CIC: variants seen among roughly 807,000 people sequenced by gnomAD.
CIC encodes the protein protein capicua homolog.
Under a neutral mutation model 115.7 loss-of-function variants are expected in CIC, and 18 were observed. The observed-to-expected ratio is 0.16, with a 90% CI of 0.11 to 0.23. The LOEUF (loss-of-function observed/expected upper bound fraction) is 0.23, where lower values mean the gene tolerates loss of function less well. Ranked by LOEUF, CIC falls within the 10% of genes least tolerant of loss-of-function variation. CIC has a pLI of 1.00. For missense variants in CIC, 2,000 were observed against 2,159.3 expected, an observed-to-expected ratio of 0.93 and a Z score of 1.46; for synonymous variants, 1,076 against 923.0, an observed-to-expected ratio of 1.17 and a Z score of -3.01.
In CIC at chr19:42,292,447, C is replaced by T. The variant is rs192281097; in HGVS notation, c.5883C>T (p.Phe1961=). The T allele has an allele frequency of 3.7e-6, 6 of 1,610,814 alleles. No homozygotes were observed. Among genetic ancestry groups the T allele is most frequent in the East Asian group, 2.2e-5 (1 of 44,798 alleles). Residue 1961 remains phenylalanine (F), a synonymous_variant, in exon 14 of 21, where the codon TTC becomes TTT. Transcript: ENST00000681038. ...CGCTGGGGCCCAGCGGCCCCGCCTT[C>T]GTGCAGCCCCTGCTCTCAGGTGAGG... The part of the protein sequence containing the change: ...FTSLGPSGPA[F]VQPLLSAGQA...
At chr19:42,289,785 C>A (rs949789042) in intron 9 of CIC, 63 bp from the exon 10 acceptor site, 16 of 1,349,932 alleles carry the variant, frequency 1.2e-5, no homozygotes, top group Non-Finnish European at 3.1e-6. Flanking sequence ...AGGCTCCAGA[C>A]TGTTTCTCCT....
intron 2 of CIC, among the ~76,000 whole-genome samples, chr19:42,281,144 G>A (rs2147093020): frequency 6.6e-6 from 1 of 151,396 alleles, no homozygotes; most frequent in African/African-American, 2.4e-5. Flanking sequence ...GGGTGGGTGG[G>A]TGGGTGTGTA....
rs2036866760 is a variant in CIC at position 42,273,758 on chromosome 19, C to G, written c.1975C>G (p.Arg659Gly). The G allele has an allele frequency of 2.5e-6, 1 of 398,812 alleles. No individual in the cohort carries two copies. Among genetic ancestry groups the G allele is most frequent in the East Asian group, 3.6e-5 (1 of 28,078 alleles). The allele number at this position is 398,812 out of a possible 1,614,324, so 24.7% of individuals were successfully genotyped here. Residue 659 changes from arginine to glycine, a missense_variant, in exon 2 of 21, where the codon CGC becomes GGC. Coordinates refer to ENST00000681038, the MANE Select transcript of CIC (RefSeq NM_001386298.1). ...ACCAGTCATCCAGCGCACTGCAGTC[C>G]GCAGTCGCCACCTGAGCGCCAGCAC... is the stretch of plus-strand genomic sequence containing the variant. ...ASPVIQRTAV[R>G]SRHLSASTPK...
At chr19:42,289,433 G>A (rs1409589011) in intron 9 of CIC, 27 bp downstream of exon 9, 2 of 1,555,256 alleles carry the variant, frequency 1.3e-6, no homozygotes, top group Non-Finnish European at 1.7e-6. Flanking sequence ...CCAGAATCTT[G>A]CCCAGGACCC....
chr19:42,293,609 C>T lies in CIC; in HGVS notation c.6540C>T (p.Ser2180=), dbSNP rs2038310263. The change falls in exon 17 of 21, where the codon AGC becomes AGT. Residue 2180 remains serine (S), a synonymous_variant. Transcript: ENST00000681038. The part of the protein sequence containing the change: ...GPETMASKFP[S]SSSDWRVPGQ... ...CACCCCAGGCCAGCAAATTCCCCAG[C>T]TCATCTTCAGACTGGCGCGTCCCTG... 1 of 1,613,714 alleles carries T rather than the reference C, an allele frequency of 6.2e-7. No individual in the cohort carries two copies. The highest frequency in any genetic ancestry group is 1.7e-5 in the Admixed American group (1 of 60,008).
intron 2 of CIC, chr19:42,284,675 G>GCCCCTGCCGGGTCC: frequency 6.6e-7 from 1 of 1,525,578 alleles, no homozygotes; most frequent in Non-Finnish European, 8.8e-7. Flanking sequence ...GGAGGTGCGA[G>GCCCCTGCCGGGTCC]CCCCTGCCGG....
At position 42,287,210 on chromosome 19, in the gene CIC, A is replaced by G. The variant is rs2147184228; in HGVS notation, c.3149A>G (p.Asp1050Gly). The change falls in exon 4 of 21, where the codon GAC (aspartate) becomes GGC (glycine). Residue 1050 changes from aspartate (D) to glycine (G), a missense_variant. Coordinates refer to ENST00000681038, the MANE Select transcript of CIC (RefSeq NM_001386298.1). The surrounding 1 kb of genome is among the most constrained non-coding windows in gnomAD (Gnocchi z 8.7). ...GGCCCCCCAGGAGAGCCCCGGCTGG[A>G]CAGTGAGACAGAGAGTGACCATGAT... ...ASGPPGEPRL[D>G]SETESDHDDA... The G allele has an allele frequency of 6.2e-7, 1 of 1,613,750 alleles. No individual in the cohort carries two copies. The highest frequency in any genetic ancestry group is 8.5e-7 in the Non-Finnish European group (1 of 1,179,934).
intron 2 of CIC, chr19:42,284,781 G>A (rs2147140078): frequency 6.4e-7 from 1 of 1,550,646 alleles, no homozygotes; most frequent in Non-Finnish European, 8.7e-7. Flanking sequence ...GGTCAGTAGC[G>A]CCTGGGCCCT....
chr19:42,282,229 G>C (rs1162983005), intron 2 of CIC, among the ~76,000 whole-genome samples: 1 of 152,218 alleles, frequency 6.6e-6, no homozygotes, highest in Non-Finnish European at 1.5e-5. Flanking sequence ...GGAGGTCAGA[G>C]GGCTACAGAC....
In CIC at chr19:42,287,037, A is replaced by G. The variant is rs2147176623; in HGVS notation, c.2976A>G (p.Glu992=). 6.2e-7 allele frequency: 1 copy of G among 1,611,480 alleles called. No individual in the cohort carries two copies. The highest frequency in any genetic ancestry group is 8.5e-7 in the Non-Finnish European group (1 of 1,179,944). ...EPAESAAVAH[E]RPPGGTGSAD... ...CTGAGTCGGCAGCTGTTGCTCATGA[A>G]CGGCCACCAGGTGGGACAGGGAGTG... is the stretch of plus-strand genomic sequence containing the variant. The change falls in exon 4 of 21, where the codon GAA becomes GAG. Residue 992 remains glutamate (E), a synonymous_variant. Coordinates refer to ENST00000681038, the MANE Select transcript of CIC (RefSeq NM_001386298.1). The surrounding 1 kb of genome is among the most constrained non-coding windows in gnomAD (Gnocchi z 8.7).
In CIC at chr19:42,273,188, C is replaced by T. The variant is rs2036850687; in HGVS notation, c.1405C>T (p.Arg469Trp). 3 of 398,716 alleles carry T rather than the reference C, an allele frequency of 7.5e-6. No individual in the cohort carries two copies. 24.7% of individuals were successfully genotyped at this position (398,716 alleles called of 1,614,324 possible). Reference sequence around the variant, plus strand: ...GGAAAAGGGGACAGCACCGGCAGCCCGGGCCCGCACGCCACTGACAGCCGC... The same window carrying T: ...GGAAAAGGGGACAGCACCGGCAGCCTGGGCCCGCACGCCACTGACAGCCGC... ...SLEKGTAPAA[R>W]ARTPLTAAQQ... Residue 469 changes from arginine (R) to tryptophan (W), a missense_variant, in exon 2 of 21, where the codon CGG (arginine) becomes TGG (tryptophan). Arg to Trp is a moderately radical substitution (Grantham distance 101, BLOSUM62 -3). Around this residue, in one of 8 missense-constraint regions of CIC, gnomAD observed 222 missense variants for 247.7 expected, o/e 0.90. Transcript: ENST00000681038.
rs550240140 is a variant in CIC, at chr19:42,272,740, G to A, written c.957G>A (p.Gln319=). ...GLPGSLPQPP[Q]PLHREPEEAV... Reference sequence around the variant, plus strand: ...CAGGCAGCCTCCCGCAGCCCCCACAGCCACTGCACCGTGAGCCAGAGGAGG... The same window carrying A: ...CAGGCAGCCTCCCGCAGCCCCCACAACCACTGCACCGTGAGCCAGAGGAGG... Residue 319 remains glutamine, a synonymous_variant, in exon 2 of 21, where the codon CAG becomes CAA. Transcript: ENST00000681038. 10 of 398,844 alleles carry A rather than the reference G, an allele frequency of 2.5e-5. No homozygotes were observed. The East Asian group carries it at 3.6e-4, about 14-fold the overall frequency. The allele number at this position is 398,844 out of a possible 1,614,324, so 24.7% of individuals were successfully genotyped here.
chr19:42,295,221 AG>A lies in CIC; in HGVS notation c.*31del. The A allele has an allele frequency of 6.6e-7, 1 of 1,524,524 alleles. No individual in the cohort carries two copies. The highest frequency in any genetic ancestry group is 8.8e-7 in the Non-Finnish European group (1 of 1,139,584). The allele number at this position is 1,524,524 out of a possible 1,614,324, so 94.4% of individuals were successfully genotyped here. A position where few individuals can be genotyped will look rare whatever the true frequency, so the allele number is the denominator to read the frequency against. On this transcript the variant is annotated 3_prime_UTR_variant, in exon 21 of 21. Coordinates refer to ENST00000681038, the MANE Select transcript of CIC (RefSeq NM_001386298.1). ...CCCCTGAGAAGATGCCAGGACTTAT[AG>A]TACCCCCTCAGGACATGGACAGTAT...
Position 42,291,718 on chromosome 19 carries a change from G to C in CIC, c.5586G>C (p.Val1862=), listed in dbSNP as rs747330705. The change falls in exon 12 of 21, where the codon GTG becomes GTC. Residue 1862 remains valine, a synonymous_variant. Coordinates refer to ENST00000681038, the MANE Select transcript of CIC (RefSeq NM_001386298.1). ...TGAGCCCGCCCTTCTCAGTACCTGT[G>C]CAGAATGGTGCCCAGCCCCCCAGCA... is the stretch of plus-strand genomic sequence containing the variant. ...PLVSPPFSVP[V]QNGAQPPSKI... is the part of the protein sequence containing the mutation. 1 of 1,612,988 alleles carries C rather than the reference G, an allele frequency of 6.2e-7. No homozygotes were observed. Among genetic ancestry groups the C allele is most frequent in the Non-Finnish European group, 8.5e-7 (1 of 1,180,002 alleles).
rs747055103 is a variant in CIC at position 42,293,235 on chromosome 19, C to T, written c.6476C>T (p.Pro2159Leu). ...ACGGCCCGGAGCAGCCCCCCACTGCCCCCACCTGCTGAGGAGCGGACCAGC... is the reference window on the plus strand; with the variant it reads ...ACGGCCCGGAGCAGCCCCCCACTGCTCCCACCTGCTGAGGAGCGGACCAGC... ...TPTARSSPPL[P>L]PPAEERTSAK... Residue 2159 changes from proline to leucine, a missense_variant, in exon 16 of 21, where the codon CCC becomes CTC. Physicochemically the swap from Pro to Leu is moderately conservative, Grantham distance 98 (BLOSUM62 -3). Transcript: ENST00000681038. The T allele has an allele frequency of 1.3e-6, 2 of 1,595,468 alleles. No homozygotes were observed. The highest frequency in any genetic ancestry group is 2.3e-5 in the East Asian group (1 of 43,828).
Position 42,291,646 on chromosome 19 carries a change from T to G in CIC, c.5514T>G (p.Pro1838=). The change falls in exon 12 of 21, where the codon CCT becomes CCG. Residue 1838 remains proline, a synonymous_variant. Coordinates refer to ENST00000681038, the MANE Select transcript of CIC (RefSeq NM_001386298.1). ...PGKVLVPLAA[P]SMSVRGGGAG... ...AGGTCCTAGTGCCTCTGGCCGCCCCTAGCATGTCAGTGCGGGGTGGAGGGG... is the reference window on the plus strand; with the variant it reads ...AGGTCCTAGTGCCTCTGGCCGCCCCGAGCATGTCAGTGCGGGGTGGAGGGG... 11 of 1,612,886 alleles carry G rather than the reference T, an allele frequency of 6.8e-6. No homozygotes were observed. The highest frequency in any genetic ancestry group is 9.3e-6 in the Non-Finnish European group (11 of 1,179,980).
chr19:42,290,185 A>G (rs929078755), intron 10 of CIC, 48 bp from the exon 11 acceptor site: 1 of 1,612,644 alleles, frequency 6.2e-7, no homozygotes, highest in Non-Finnish European at 8.5e-7. Flanking sequence ...GCTGCTATCG[A>G]GGTGTCGGAG....
rs1437648230 is a variant in CIC, at chr19:42,286,988, C to T, written c.2945-18C>T. 18 of 1,608,602 alleles carry T rather than the reference C, an allele frequency of 1.1e-5. No individual in the cohort carries two copies. The highest frequency in any genetic ancestry group is 1.4e-5 in the Non-Finnish European group (17 of 1,179,952). On this transcript the variant is annotated intron_variant, in intron 3 of 20. Transcript: ENST00000681038. The stretch of plus-strand genomic sequence containing the variant: ...CCAGGTGGCCTAGGAGCCCTCTGAT[C>T]TACCTCTGTGTCCCCAGAACCTGCT...
At chr19:42,289,974 T>G (rs757951540) in intron 10 of CIC, 23 bp downstream of exon 10, 26 of 1,561,426 alleles carry the variant, frequency 1.7e-5, no homozygotes, top group Non-Finnish European at 1.9e-5. Flanking sequence ...GTCACGGTGC[T>G]GTCCCATCAC....
Sources: gnomAD v4.1 joint callset for allele counts (sites outside exome capture counted in the v4.1 genomes callset) on GRCh38, gnomAD v4.1.1 for gene constraint, gnomAD v4.1.1 regional missense constraint, Gnocchi (gnomAD v3.1) non-coding constraint, MANE v1.5 for transcripts, NCBI Gene and HGNC (gene_info 2026-07-23, HGNC 2026-07-21) for gene names.